The following KLK3 variants were observed in gnomAD, a reference collection of about 807,000 sequenced individuals.
KLK3 encodes the protein prostate-specific antigen.
KLK3 carries 23 observed loss-of-function variants against 27.7 expected under a neutral mutation model. That is an observed-to-expected ratio of 0.83 (90% confidence interval 0.60 to 1.17). The LOEUF (loss-of-function observed/expected upper bound fraction) is 1.17, where lower values mean the gene tolerates loss of function less well. Among genes scored for constraint, KLK3 ranks in the 50% most tolerant of loss-of-function variants. The pLI, the probability that KLK3 is intolerant of heterozygous loss-of-function variation, is 0.00. For missense variants in KLK3, 322 were observed against 338.1 expected (o/e 0.95, Z 0.37); for synonymous variants, 142 against 134.2 (o/e 1.06, Z -0.40).
rs2090176830 is a variant in KLK3 at position 50,860,207 on chromosome 19, A to G, written c.*80A>G. On this transcript the variant is annotated 3_prime_UTR_variant, in exon 5 of 5. Transcript: ENST00000326003. ...CCAAGACTCAAGCCTCCCCAGTTCT[A>G]CTGACCTTTGTCCTTAGGTGTGAGG... is the stretch of plus-strand genomic sequence containing the variant. 2.0e-5 allele frequency: 22 copies of G among 1,126,710 alleles called. 1 individual carries two copies. The South Asian group carries it at 3.1e-4, about 16-fold the overall frequency. The allele number at this position is 1,126,710 out of a possible 1,614,324, so 69.8% of individuals were successfully genotyped here. A position where few individuals can be genotyped will look rare whatever the true frequency, so the allele number is the denominator to read the frequency against.
At chr19:50,857,174 A>AG (rs1414617320) in intron 2 of KLK3, among the ~76,000 whole-genome samples, 6 of 149,742 alleles carry the variant, frequency 4.0e-5, no homozygotes, top group African/African-American at 1.5e-4. Flanking sequence ...AAAAAAAAAA[A>AG]AAAAAAAAAG....
At chr19:50,857,183 A>AAAAAAAG (rs1491335383) in intron 2 of KLK3, among the ~76,000 whole-genome samples, 33 of 128,970 alleles carry the variant, frequency 2.6e-4, no homozygotes, top group Non-Finnish European at 3.9e-4. Flanking sequence ...AAAAAAAAAA[A>AAAAAAAG]GAAAAGAAAA....
At chr19:50,856,886 G>A (rs752545203) in intron 2 of KLK3, among the ~76,000 whole-genome samples, 3 of 152,074 alleles carry the variant, frequency 2.0e-5, no homozygotes, top group Non-Finnish European at 2.9e-5. Flanking sequence ...GCTTTGGCTG[G>A]GCGCGGTGGC....
chr19:50,857,026 G>T (rs1299409769), intron 2 of KLK3, among the ~76,000 whole-genome samples: 2 of 151,894 alleles, frequency 1.3e-5, no homozygotes, highest in African/African-American at 2.4e-5. Context: ...AGCCAGGCGT[G>T]GTGGCGCATG....
rs968143099 is a variant in KLK3, at chr19:50,860,711, A to C, written c.*584A>C. 1.3e-5 allele frequency: 2 copies of C among 152,234 alleles called. No homozygotes were observed. Among genetic ancestry groups the C allele is most frequent in the African/African-American group, 4.8e-5 (2 of 41,434 alleles). The allele number at this position is 152,234 out of a possible 1,614,324, so 9.4% of individuals were successfully genotyped here. On this transcript the variant is annotated 3_prime_UTR_variant, in exon 5 of 5. Transcript: ENST00000326003. ...TATTGAAGTCCTCCAGACAACCCTC[A>C]GATTTGATGATTTCCTAGTAGAACT...
intron 4 of KLK3, chr19:50,859,477 A>G (rs1296254690): frequency 5.4e-6 from 8 of 1,471,740 alleles, no homozygotes; most frequent in Middle Eastern, 1.8e-4. Context: ...CCTCCCTCAC[A>G]GGCTCCTGGC....
chr19:50,860,322 G>C lies in KLK3; in HGVS notation c.*195G>C. On this transcript the variant is annotated 3_prime_UTR_variant, in exon 5 of 5. Coordinates refer to ENST00000326003, the MANE Select transcript of KLK3 (RefSeq NM_001648.2). ...GTAATTTTGTCCTCTCTGTGTCCTG[G>C]GGAATACTGGCCATGCCTGGAGACA... 1 of 506,624 alleles carries C rather than the reference G, an allele frequency of 2.0e-6. No homozygotes were observed. 31.4% of individuals were successfully genotyped at this position (506,624 alleles called of 1,614,324 possible). A position where few individuals can be genotyped will look rare whatever the true frequency, so the allele number is the denominator to read the frequency against.
At chr19:50,858,930 C>T in intron 4 of KLK3, 1 of 466,990 alleles carries the variant, frequency 2.1e-6, no homozygotes. Context: ...CAGTGAGGGG[C>T]ACAGGCAGGA....
intron 1 of KLK3, 154 bp downstream of exon 1, chr19:50,855,155 G>C: frequency 1.4e-6 from 1 of 690,698 alleles, no homozygotes; most frequent in Non-Finnish European, 2.5e-6. Context: ...CATACCCCCA[G>C]CCCCTCCATA....
At chr19:50,857,484 C>T (rs1441360402) in intron 2 of KLK3, 2 of 155,180 alleles carry the variant, frequency 1.3e-5, no homozygotes, top group Non-Finnish European at 2.8e-5. Context: ...GCATCTACAG[C>T]TGAGCCACTC....
intron 4 of KLK3, chr19:50,858,942 C>CA (rs2090166964): frequency 2.2e-6 from 1 of 447,372 alleles, no homozygotes; most frequent in Non-Finnish European, 3.9e-6. Context: ...CAGGCAGGAA[C>CA]AGGGACCACA....
chr19:50,858,612 C>G lies in KLK3; in HGVS notation c.630+17C>G. ...ACCTGCTCGGTGAGTCATCCCTACT[C>G]CCAAGATCTTGAGGGGAAAGGTGAG... On this transcript the variant is annotated intron_variant, in intron 4 of 4. Transcript: ENST00000326003. 1 of 1,613,912 alleles carries G rather than the reference C, an allele frequency of 6.2e-7. No homozygotes were observed. Among genetic ancestry groups the G allele is most frequent in the Non-Finnish European group, 8.5e-7 (1 of 1,179,884 alleles).
chr19:50,859,811 C>G, intron 4 of KLK3, 161 bp from the exon 5 acceptor site: 2 of 1,471,012 alleles, frequency 1.4e-6, no homozygotes, highest in Non-Finnish European at 1.8e-6. Flanking sequence ...GTTGGAATCC[C>G]TGCCCACCTT....
chr19:50,855,366 T>TGTG, intron 1 of KLK3: 1 of 285,904 alleles, frequency 3.5e-6, no homozygotes, highest in South Asian at 5.4e-5. Flanking sequence ...ACCGTATCAC[T>TGTG]GGTCCACCTC....
Position 50,860,287 on chromosome 19 carries a change from C to G in KLK3, c.*160C>G, listed in dbSNP as rs561507023. Reference sequence around the variant, plus strand: ...GACACAGGTGTAGACCAGAGTGTTTCTTAAATGGTGTAATTTTGTCCTCTC... The same window carrying G: ...GACACAGGTGTAGACCAGAGTGTTTGTTAAATGGTGTAATTTTGTCCTCTC... On this transcript the variant is annotated 3_prime_UTR_variant, in exon 5 of 5. Coordinates refer to ENST00000326003, the MANE Select transcript of KLK3 (RefSeq NM_001648.2). 4.2e-4 allele frequency: 241 copies of G among 570,392 alleles called. No individual in the cohort carries two copies. The highest frequency in any genetic ancestry group is 8.3e-4 in the Middle Eastern group (3 of 3,606). 35.3% of individuals were successfully genotyped at this position (570,392 alleles called of 1,614,324 possible).
At chr19:50,856,909 T>A (rs1484861822) in intron 2 of KLK3, among the ~76,000 whole-genome samples, 2 of 152,000 alleles carry the variant, frequency 1.3e-5, no homozygotes, top group Non-Finnish European at 2.9e-5. Flanking sequence ...ACACCTGTAA[T>A]CCCAGCACTT....
rs1173296570 is a variant in KLK3, at chr19:50,860,355, C to A, written c.*228C>A. On this transcript the variant is annotated 3_prime_UTR_variant, in exon 5 of 5. Transcript: ENST00000326003. ...TGGCCATGCCTGGAGACATATCACTCAATTTCTCTGAGGACACAGATAGGA... is the reference window on the plus strand; with the variant it reads ...TGGCCATGCCTGGAGACATATCACTAAATTTCTCTGAGGACACAGATAGGA... The A allele has an allele frequency of 4.8e-5, 21 of 433,318 alleles. No individual in the cohort carries two copies. Among genetic ancestry groups the A allele is most frequent in the Admixed American group, 1.1e-4 (3 of 26,206 alleles). The allele number at this position is 433,318 out of a possible 1,614,324, so 26.8% of individuals were successfully genotyped here.
chr19:50,855,980 C>G, intron 1 of KLK3: 1 of 456,490 alleles, frequency 2.2e-6, no homozygotes, highest in Non-Finnish European at 4.0e-6. Flanking sequence ...TCTTGTGTCT[C>G]CTACCCTGAT....
chr19:50,857,025 T>C (rs2090152405), intron 2 of KLK3, among the ~76,000 whole-genome samples: 1 of 151,314 alleles, frequency 6.6e-6, no homozygotes, highest in Admixed American at 6.6e-5. Context: ...TAGCCAGGCG[T>C]GGTGGCGCAT....
Sources: gnomAD v4.1 joint callset for allele counts (sites outside exome capture counted in the v4.1 genomes callset) on GRCh38, gnomAD v4.1.1 for gene constraint, MANE v1.5 for transcripts, NCBI Gene and HGNC (gene_info 2026-07-23, HGNC 2026-07-21) for gene names.